ATOSA: variants seen among roughly 807,000 people sequenced by gnomAD.
ATOSA encodes the protein atos homolog protein A.
At chr15:52,610,114 A>G in the ATOSA span, 1 of 1,614,052 alleles carries the variant, frequency 6.2e-7, no homozygotes, top group East Asian at 2.2e-5. Context: ...TTTGCTACAC[A>G]GACGCTGTGA....
the ATOSA span, among the ~76,000 whole-genome samples, chr15:52,655,598 G>T: frequency 6.6e-6 from 1 of 152,224 alleles, no homozygotes. Flanking sequence ...TTCTTTGTCT[G>T]CAATGTTGGT....
At chr15:52,656,524 G>A in the ATOSA span, 4 of 151,994 alleles carry the variant, frequency 2.6e-5, no homozygotes, top group Non-Finnish European at 5.9e-5. Context: ...ACTTAATTGG[G>A]ACTCTCATAT....
At chr15:52,640,790 A>G in the ATOSA span, among the ~76,000 whole-genome samples, 6 of 152,182 alleles carry the variant, frequency 3.9e-5, no homozygotes, top group African/African-American at 1.2e-4. Flanking sequence ...TATAACTGAC[A>G]TAATTATACA....
At chr15:52,607,288 G>A in the ATOSA span, among the ~76,000 whole-genome samples, 3 of 152,116 alleles carry the variant, frequency 2.0e-5, no homozygotes, top group Non-Finnish European at 2.9e-5. Context: ...TGGGCACACC[G>A]CTAATATTGG....
the ATOSA span, among the ~76,000 whole-genome samples, chr15:52,687,280 G>A: frequency 6.6e-6 from 1 of 152,162 alleles, no homozygotes; most frequent in Non-Finnish European, 1.5e-5. Flanking sequence ...TGGCGGGCGC[G>A]TGTAGTCCCA....
At chr15:52,582,347 AG>A in the ATOSA span, 1 of 1,480,934 alleles carries the variant, frequency 6.8e-7, no homozygotes, top group East Asian at 2.5e-5. Context: ...TCAGAGAACG[AG>A]TCTTTAAAAG....
chr15:52,614,031 TGAG>T, the ATOSA span: 1 of 626,456 alleles, frequency 1.6e-6, no homozygotes, highest in Non-Finnish European at 2.9e-6. Context: ...ACTACAGAAG[TGAG>T]GAGATGATGG....
the ATOSA span, among the ~76,000 whole-genome samples, chr15:52,588,245 G>A: frequency 6.6e-6 from 1 of 152,268 alleles, no homozygotes; most frequent in South Asian, 2.1e-4. Flanking sequence ...TAAGGTTTGG[G>A]AGCCCTGCTC....
chr15:52,582,900 T>C, the ATOSA span, among the ~76,000 whole-genome samples: 1 of 152,244 alleles, frequency 6.6e-6, no homozygotes, highest in Non-Finnish European at 1.5e-5. Flanking sequence ...ATATCTGTAA[T>C]ACAGTGCAGG....
At chr15:52,645,231 G>A in the ATOSA span, among the ~76,000 whole-genome samples, 1 of 152,198 alleles carries the variant, frequency 6.6e-6, no homozygotes, top group Non-Finnish European at 1.5e-5. Flanking sequence ...TTGATGTCAA[G>A]AGTTCGAGGC....
At chr15:52,673,124 A>G in the ATOSA span, among the ~76,000 whole-genome samples, 58 of 152,336 alleles carry the variant, frequency 3.8e-4, no homozygotes, top group Middle Eastern at 0.01. Flanking sequence ...TTACATTTGA[A>G]TGCTAAGTGC....
chr15:52,676,301 ACT>A, the ATOSA span, among the ~76,000 whole-genome samples: 1 of 152,196 alleles, frequency 6.6e-6, no homozygotes, highest in Admixed American at 6.5e-5. Flanking sequence ...GTTGTCCATA[ACT>A]CTGCCTTTCA....
the ATOSA span, among the ~76,000 whole-genome samples, chr15:52,631,198 C>A: frequency 4.0e-3 from 606 of 152,232 alleles, 2 homozygotes; most frequent in African/African-American, 0.014. Flanking sequence ...ACAAAATAAA[C>A]CTGTTTTTAA....
chr15:52,584,773 GTTC>G, the ATOSA span: 1 of 1,613,398 alleles, frequency 6.2e-7, no homozygotes. Context: ...CGTAATAACC[GTTC>G]TTCTGTGTGT....
At chr15:52,632,736 A>G in the ATOSA span, among the ~76,000 whole-genome samples, 1 of 152,324 alleles carries the variant, frequency 6.6e-6, no homozygotes, top group Non-Finnish European at 1.5e-5. Flanking sequence ...CTTAGCAAAG[A>G]TTTTATACAA....
chr15:52,678,192 T>A, the ATOSA span: 21 of 775,402 alleles, frequency 2.7e-5, no homozygotes, highest in Non-Finnish European at 4.1e-5. Flanking sequence ...AAACTACTGT[T>A]AAGTTAGGCC....
chr15:52,643,079 C>T, the ATOSA span, among the ~76,000 whole-genome samples: 2 of 152,156 alleles, frequency 1.3e-5, no homozygotes, highest in South Asian at 4.1e-4. Flanking sequence ...CCTCTGTATT[C>T]CACTAAATCA....
chr15:52,655,273 T>G, the ATOSA span, among the ~76,000 whole-genome samples: 1 of 152,168 alleles, frequency 6.6e-6, no homozygotes, highest in Admixed American at 6.6e-5. Context: ...ATTTCCCATG[T>G]ATTAGTCATT....
the ATOSA span, among the ~76,000 whole-genome samples, chr15:52,585,556 A>G: frequency 2.6e-5 from 4 of 152,302 alleles, no homozygotes; most frequent in East Asian, 7.7e-4. Flanking sequence ...AATTAATTAG[A>G]TCTAAAGTAG....
Sources: gnomAD v4.1 joint callset for allele counts (sites outside exome capture counted in the v4.1 genomes callset) on GRCh38, gnomAD v4.1.1 for gene constraint, MANE v1.5 for transcripts, NCBI Gene and HGNC (gene_info 2026-07-23, HGNC 2026-07-21) for gene names.